The following GRID2 variants were observed in gnomAD, a reference collection of about 807,000 sequenced individuals.
GRID2 encodes the protein glutamate receptor ionotropic, delta-2.
In GRID2, 33 loss-of-function variants were observed where a neutral mutation model predicts 114.8. The observed-to-expected ratio is 0.29, with a 90% CI of 0.22 to 0.38. GRID2 has a LOEUF of 0.38. Among genes scored for constraint, GRID2 ranks in the 10% least tolerant of loss-of-function variants. The pLI is 1.00. For missense variants in GRID2, 1,184 were observed against 1,257.7 expected, an observed-to-expected ratio of 0.94 and a Z score of 0.89; for synonymous variants, 505 against 449.9, an observed-to-expected ratio of 1.12 and a Z score of -1.55.
At chr4:93,687,573 A>T (rs975567114) in intron 14 of GRID2, among the ~76,000 whole-genome samples, 1 of 152,022 alleles carries the variant, frequency 6.6e-6, no homozygotes, top group African/African-American at 2.4e-5. Context: ...CCCAGAGGGC[A>T]CTTGAAGAAA....
intron 1 of GRID2, among the ~76,000 whole-genome samples, chr4:92,316,290 A>C (rs1725976705): frequency 6.6e-6 from 1 of 152,192 alleles, no homozygotes; most frequent in African/African-American, 2.4e-5. Context: ...GAACCATTAT[A>C]CATTTCTTCT....
At chr4:92,675,196 C>T (rs1183024699) in intron 2 of GRID2, among the ~76,000 whole-genome samples, 3 of 152,140 alleles carry the variant, frequency 2.0e-5, no homozygotes, top group Non-Finnish European at 2.9e-5. Context: ...CTTCTAGGGT[C>T]TGAATGCCTG....
intron 14 of GRID2, among the ~76,000 whole-genome samples, chr4:93,712,446 T>C (rs1578635784): frequency 6.6e-6 from 1 of 152,160 alleles, no homozygotes; most frequent in Non-Finnish European, 1.5e-5. Context: ...ACCATTCCCA[T>C]TGAGTTATAT....
chr4:93,472,112 G>A (rs561120385), intron 11 of GRID2, among the ~76,000 whole-genome samples: 19 of 151,266 alleles, frequency 1.3e-4, no homozygotes, highest in African/African-American at 3.6e-4. Flanking sequence ...ATCACCTGAG[G>A]TTGGGAGTTC....
At chr4:93,540,528 T>A (rs1175887627) in intron 13 of GRID2, among the ~76,000 whole-genome samples, 1 of 152,032 alleles carries the variant, frequency 6.6e-6, no homozygotes, top group African/African-American at 2.4e-5. Flanking sequence ...GAAAAGCAGG[T>A]TGTGAAAGAC....
intron 1 of GRID2, among the ~76,000 whole-genome samples, chr4:92,445,966 A>G (rs1202921977): frequency 6.6e-6 from 1 of 152,130 alleles, no homozygotes; most frequent in East Asian, 1.9e-4. Flanking sequence ...TTGTTTTGAG[A>G]CAGAGTCTCC....
At chr4:92,786,818 G>A (rs1739344452) in intron 2 of GRID2, among the ~76,000 whole-genome samples, 1 of 151,816 alleles carries the variant, frequency 6.6e-6, no homozygotes, top group Admixed American at 6.6e-5. Flanking sequence ...TGAGGGGAGA[G>A]GGAGGAAGTT....
At chr4:92,306,685 A>G (rs1725425487) in intron 1 of GRID2, among the ~76,000 whole-genome samples, 1 of 152,210 alleles carries the variant, frequency 6.6e-6, no homozygotes, top group African/African-American at 2.4e-5. Context: ...CTAGTTAAAT[A>G]TTATTTTGCA....
intron 14 of GRID2, among the ~76,000 whole-genome samples, chr4:93,727,822 G>A (rs1046619229): frequency 1.3e-5 from 2 of 152,018 alleles, no homozygotes; most frequent in Admixed American, 6.6e-5. Context: ...TCTGGGGATC[G>A]GTGATGATAT....
rs867226303 is a variant in GRID2, at chr4:92,687,700, G to A, written c.244+97414G>A. Among the ~76,000 whole-genome samples, 14 of 152,106 alleles carry A rather than the reference G, an allele frequency of 9.2e-5. No individual in the cohort carries two copies. The East Asian group carries it at 2.0e-3, about 21-fold the overall frequency. On this transcript the variant is annotated intron_variant, in intron 2 of 15. Coordinates refer to ENST00000282020, the MANE Select transcript of GRID2 (RefSeq NM_001510.4). Reference sequence around the variant, plus strand: ...AAAAATTAGCTGGGCGTTGTGGCCCGCGCCTATAATCGCAGCTACTCAGGA... The same window carrying A: ...AAAAATTAGCTGGGCGTTGTGGCCCACGCCTATAATCGCAGCTACTCAGGA...
At chr4:93,397,405 C>CAATAATT (rs879538640) in intron 9 of GRID2, among the ~76,000 whole-genome samples, 5,558 of 151,952 alleles carry the variant, frequency 0.037, 152 homozygotes, top group Middle Eastern at 0.058. Context: ...GTCTTTCCTC[C>CAATAATT]AGTGATTAGC....
chr4:93,795,319 T>G (rs1734775808), intron 1 of GRID2, among the ~76,000 whole-genome samples: 1 of 151,906 alleles, frequency 6.6e-6, no homozygotes, highest in African/African-American at 2.4e-5. Context: ...AGAAGCATCA[T>G]GAAGAAAAAG....
At position 93,110,856 on chromosome 4, in the gene GRID2, A is replaced by G; in HGVS notation, c.638A>G (p.Asp213Gly). 1.2e-6 allele frequency: 2 copies of G among 1,610,030 alleles called. No individual in the cohort carries two copies. The highest frequency in any genetic ancestry group is 1.1e-5 in the South Asian group (1 of 91,002). ...NINKMITTLF[D>G]TMRIEELNRY... The stretch of plus-strand genomic sequence containing the variant: ...AATAAAATGATTACCACTCTCTTTG[A>G]CACCATGAGAATAGAAGAACTGAAT... Residue 213 changes from aspartate (D) to glycine (G), a missense_variant, in exon 4 of 16, where the codon GAC becomes GGC. By Grantham distance (94) the Asp-to-Gly change is moderately conservative (BLOSUM62 -1). Coordinates refer to ENST00000282020, the MANE Select transcript of GRID2 (RefSeq NM_001510.4).
chr4:93,062,405 T>C (rs1269953939), intron 2 of GRID2, among the ~76,000 whole-genome samples: 1 of 152,112 alleles, frequency 6.6e-6, no homozygotes. Context: ...TACAAAGATA[T>C]GAAGAGAATC....
chr4:93,274,803 G>A (rs186232423), intron 8 of GRID2, among the ~76,000 whole-genome samples: 33 of 152,090 alleles, frequency 2.2e-4, no homozygotes, highest in Admixed American at 8.5e-4. Context: ...CATCATGTAC[G>A]TGTCACAAAG....
intron 2 of GRID2, among the ~76,000 whole-genome samples, chr4:93,043,876 C>A (rs560602312): frequency 1.3e-5 from 2 of 151,850 alleles, no homozygotes; most frequent in East Asian, 3.9e-4. Flanking sequence ...AACAAACCTG[C>A]ACGTTGTGCA....
rs542394775 is a variant in GRID2, at chr4:93,218,465, C to T, written c.963+1554C>T. Among the ~76,000 whole-genome samples, 91 of 152,258 alleles carry T rather than the reference C, an allele frequency of 6.0e-4. 1 individual carries two copies. Among genetic ancestry groups the T allele is most frequent in the African/African-American group, 2.2e-3 (91 of 41,558 alleles). On this transcript the variant is annotated intron_variant, in intron 6 of 15. Transcript: ENST00000282020. ...GCTGCAGTGAGCCAAGATTGTGCTA[C>T]TGCACTCCAGCCTCCAGCCTGGGTT... is the stretch of plus-strand genomic sequence containing the variant.
intron 14 of GRID2, among the ~76,000 whole-genome samples, chr4:93,656,019 CAA>C (rs149456404): frequency 0.041 from 6,245 of 151,374 alleles, 425 homozygotes; most frequent in African/African-American, 0.14. Flanking sequence ...TAAAAGAACT[CAA>C]AAGTTATGCA....
chr4:93,304,307 A>G (rs1165500757), intron 8 of GRID2, among the ~76,000 whole-genome samples: 1 of 149,992 alleles, frequency 6.7e-6, no homozygotes, highest in Non-Finnish European at 1.5e-5. Context: ...TCTATGTTAC[A>G]TTAACCTGGA....
Sources: allele counts gnomAD v4.1 joint callset (sites outside exome capture counted in the v4.1 genomes callset), GRCh38; gene constraint gnomAD v4.1.1; transcripts MANE v1.5; gene names NCBI Gene and HGNC (gene_info 2026-07-23, HGNC 2026-07-21).